The following FARS2 variants were observed in gnomAD, a reference collection of about 807,000 sequenced individuals.
FARS2 encodes phenylalanine--tRNA ligase, mitochondrial.
Under a neutral mutation model 46.4 loss-of-function variants are expected in FARS2, and 40 were observed. The observed-to-expected ratio is 0.86, with a 90% CI of 0.67 to 1.12. The LOEUF is 1.12. Ranked by LOEUF, FARS2 falls within the 50% of genes most tolerant of loss-of-function variation. The pLI, the probability that FARS2 is intolerant of heterozygous loss-of-function variation, is 0.00. For synonymous variants in FARS2, 234 were observed against 214.9 expected (o/e 1.09, Z -0.78); for missense variants, 513 against 567.9 (o/e 0.90, Z 0.98).
intron 6 of FARS2, among the ~76,000 whole-genome samples, chr6:5,623,734 A>T (rs1775894872): frequency 6.7e-6 from 1 of 150,300 alleles, no homozygotes; most frequent in South Asian, 2.1e-4. Flanking sequence ...TAAATAAAAT[A>T]AAGACTTTGT....
chr6:5,381,094 G>A (rs1012296420), intron 2 of FARS2, among the ~76,000 whole-genome samples: 4 of 151,438 alleles, frequency 2.6e-5, no homozygotes, highest in African/African-American at 9.7e-5. Context: ...TCCACCTCCT[G>A]GGTTCACGCC....
At chr6:5,456,954 T>C (rs1176502813) in intron 4 of FARS2, 1 of 152,112 alleles carries the variant, frequency 6.6e-6, no homozygotes, top group African/African-American at 2.4e-5. Flanking sequence ...CCCACTTACC[T>C]CGCCTTGGTA....
rs1489071943 is a variant in FARS2, at chr6:5,404,606, A to G, written c.677A>G (p.His226Arg). 6.2e-7 allele frequency: 1 copy of G among 1,613,252 alleles called. No homozygotes were observed. The highest frequency in any genetic ancestry group is 8.5e-7 in the Non-Finnish European group (1 of 1,179,474). ...TTTGAACAAAGTTCTCGCTCTGCGCATAAACAAGAGACACACACCATGGAG... is the reference window on the plus strand; with the variant it reads ...TTTGAACAAAGTTCTCGCTCTGCGCGTAAACAAGAGACACACACCATGGAG... Reference protein sequence around the residue: ...QLFEQSSRSAHKQETHTMEAV... With the variant: ...QLFEQSSRSARKQETHTMEAV... Residue 226 changes from histidine to arginine, a missense_variant, in exon 3 of 7, where the codon CAT becomes CGT. Transcript: ENST00000274680.
At chr6:5,480,437 C>T (rs1035967610) in intron 4 of FARS2, among the ~76,000 whole-genome samples, 1 of 152,206 alleles carries the variant, frequency 6.6e-6, no homozygotes, top group African/African-American at 2.4e-5. Context: ...GCGCAGAACG[C>T]ATCTGGTTTA....
chr6:5,684,856 C>T (rs962107643), intron 6 of FARS2, among the ~76,000 whole-genome samples: 8 of 152,136 alleles, frequency 5.3e-5, no homozygotes, highest in Admixed American at 2.0e-4. Context: ...TCTGTCACTC[C>T]CAGCACTCTA....
chr6:5,561,177 G>A (rs1255167419), intron 5 of FARS2, among the ~76,000 whole-genome samples: 1 of 151,950 alleles, frequency 6.6e-6, no homozygotes, highest in Non-Finnish European at 1.5e-5. Flanking sequence ...TAAAGCTGTT[G>A]GTAATATTCT....
chr6:5,617,212 G>A (rs1316682785), intron 6 of FARS2, among the ~76,000 whole-genome samples: 2 of 152,176 alleles, frequency 1.3e-5, no homozygotes, highest in African/African-American at 2.4e-5. Flanking sequence ...ACCCCATACT[G>A]ACCTGCTAAA....
chr6:5,504,437 TAAAAAAAAAA>T (rs143444280), intron 4 of FARS2, among the ~76,000 whole-genome samples: 1 of 126,474 alleles, frequency 7.9e-6, no homozygotes, highest in African/African-American at 3.0e-5. Context: ...TGCTTTCCAG[TAAAAAAAAAA>T]AAAAAAAAAA....
Position 5,273,651 on chromosome 6 carries a change from T to G in FARS2, c.-22+11991T>G, listed in dbSNP as rs377708770. ...GTTTTCACTTTGTTGATTGTTTCCT[T>G]TGCTTACAGAAGCGTTTTTGCTTGA... On this transcript the variant is annotated intron_variant, in intron 1 of 6. Transcript: ENST00000274680. Among the ~76,000 whole-genome samples, 42 of 152,306 alleles carry G rather than the reference T, an allele frequency of 2.8e-4. No individual in the cohort carries two copies. In the South Asian group the frequency reaches 7.9e-3, roughly 29 times the overall value.
At chr6:5,503,961 T>A (rs894462219) in intron 4 of FARS2, among the ~76,000 whole-genome samples, 1 of 152,172 alleles carries the variant, frequency 6.6e-6, no homozygotes, top group Non-Finnish European at 1.5e-5. Context: ...CAAGTGGAAA[T>A]CTTAAAAGTA....
At chr6:5,650,987 G>A (rs537873669) in intron 6 of FARS2, among the ~76,000 whole-genome samples, 1 of 152,284 alleles carries the variant, frequency 6.6e-6, no homozygotes, top group South Asian at 2.1e-4. Flanking sequence ...AAGATGTAGG[G>A]TTAATAGACT....
chr6:5,369,328 T>G, intron 2 of FARS2, 146 bp downstream of exon 2: 1 of 755,070 alleles, frequency 1.3e-6, no homozygotes, highest in South Asian at 1.9e-5. Flanking sequence ...AATGACATCT[T>G]GTGTATAGGT....
chr6:5,364,503 C>G lies in FARS2; in HGVS notation c.-21-4047C>G, dbSNP rs115622650. Among the ~76,000 whole-genome samples the G allele has an allele frequency of 7.5e-3, 1,148 of 152,206 alleles. 7 individuals are homozygous for G. The highest frequency in any genetic ancestry group is 0.025 in the African/African-American group (1,058 of 41,512). The stretch of plus-strand genomic sequence containing the variant: ...TGCTCCTTTTTTGTGACTTTATAAT[C>G]TACATATATTTGTGACTAGGAAGAT... On this transcript the variant is annotated intron_variant, in intron 1 of 6. Transcript: ENST00000274680.
chr6:5,666,312 A>G (rs1778117492), intron 6 of FARS2, among the ~76,000 whole-genome samples: 1 of 152,246 alleles, frequency 6.6e-6, no homozygotes, highest in African/African-American at 2.4e-5. Flanking sequence ...AGGCACAGAA[A>G]TATGCTCAGT....
chr6:5,680,015 C>T (rs1329168361), intron 6 of FARS2, among the ~76,000 whole-genome samples: 3 of 152,202 alleles, frequency 2.0e-5, no homozygotes, highest in South Asian at 2.1e-4. Flanking sequence ...ATTTCATCCT[C>T]CAACCCAATA....
In FARS2 at chr6:5,726,245, A is replaced by T. The variant is rs184600584; in HGVS notation, c.1218-45046A>T. On this transcript the variant is annotated intron_variant, in intron 6 of 6. Transcript: ENST00000274680. ...ATCAGGGGTTACAATACACGTGTGCATGTTTGAGGCCATGCTGCCCACGCG... is the reference window on the plus strand; with the variant it reads ...ATCAGGGGTTACAATACACGTGTGCTTGTTTGAGGCCATGCTGCCCACGCG... Among the ~76,000 whole-genome samples, 32 of 151,946 alleles carry T rather than the reference A, an allele frequency of 2.1e-4. No homozygotes were observed. The East Asian group carries it at 5.8e-3, about 28-fold the overall frequency.
chr6:5,289,673 T>C (rs1767368458), intron 1 of FARS2, among the ~76,000 whole-genome samples: 1 of 151,956 alleles, frequency 6.6e-6, no homozygotes, highest in Non-Finnish European at 1.5e-5. Flanking sequence ...AATCAGAGGC[T>C]GAAGTGAAGT....
At chr6:5,726,811 C>T (rs1338519319) in intron 6 of FARS2, among the ~76,000 whole-genome samples, 1 of 152,196 alleles carries the variant, frequency 6.6e-6, no homozygotes, top group Non-Finnish European at 1.5e-5. Flanking sequence ...TGGAAATTCC[C>T]AGCCAATGGC....
At chr6:5,541,230 A>ATGGT (rs1184442033) in intron 4 of FARS2, among the ~76,000 whole-genome samples, 1 of 152,204 alleles carries the variant, frequency 6.6e-6, no homozygotes, top group Non-Finnish European at 1.5e-5. Flanking sequence ...TCACAAGGAG[A>ATGGT]TAACCACAGA....
Sources: gnomAD v4.1 joint callset for allele counts (sites outside exome capture counted in the v4.1 genomes callset) on GRCh38, gnomAD v4.1.1 for gene constraint, MANE v1.5 for transcripts, NCBI Gene and HGNC (gene_info 2026-07-23, HGNC 2026-07-21) for gene names.